The following FAF1 variants were observed in gnomAD, a reference collection of about 807,000 sequenced individuals.
FAF1 encodes FAS-associated factor 1.
In FAF1, 25 loss-of-function variants were observed where a neutral mutation model predicts 92.5. That is an observed-to-expected ratio of 0.27 (90% CI 0.20 to 0.38). The LOEUF (loss-of-function observed/expected upper bound fraction) is 0.38, where lower values mean the gene tolerates loss of function less well. FAF1 is among the 10% of genes least tolerant of loss of function. The probability of loss-of-function intolerance (pLI) is 1.00; values close to 1 mark genes in which losing one functional copy is unlikely to be tolerated. For missense variants in FAF1, 636 were observed against 793.3 expected, an observed-to-expected ratio of 0.80 and a Z score of 2.38; for synonymous variants, 234 against 273.2, an observed-to-expected ratio of 0.86 and a Z score of 1.42.
chr1:50,738,952 C>T lies in FAF1; in HGVS notation c.462G>A (p.Thr154=), dbSNP rs1157411158. 3.8e-6 allele frequency: 6 copies of T among 1,571,164 alleles called. No individual in the cohort carries two copies. The highest frequency in any genetic ancestry group is 1.2e-5 in the South Asian group (1 of 83,510). ...GWKTGDVEDS[T]VLKSLHLPKN... is the part of the protein sequence containing the mutation. Reference sequence around the variant, plus strand: ...TTGGCAAGTGTAGAGATTTTAGGACCGTCTGAAAAAGAAAAAACACAGCAA... The same window carrying T: ...TTGGCAAGTGTAGAGATTTTAGGACTGTCTGAAAAAGAAAAAACACAGCAA... The change falls in exon 6 of 19, where the codon ACG becomes ACA. Residue 154 remains threonine (T), a splice_region_variant and synonymous_variant. Coordinates refer to ENST00000396153, the MANE Select transcript of FAF1 (RefSeq NM_007051.3).
chr1:50,749,275 C>T (rs1363679084), intron 4 of FAF1, among the ~76,000 whole-genome samples: 3 of 152,156 alleles, frequency 2.0e-5, no homozygotes, highest in Non-Finnish European at 4.4e-5. Context: ...TCTCCAAGAC[C>T]TGACACCACC....
At chr1:50,489,972 C>T (rs1646811079) in intron 17 of FAF1, among the ~76,000 whole-genome samples, 1 of 152,128 alleles carries the variant, frequency 6.6e-6, no homozygotes, top group African/African-American at 2.4e-5. Context: ...CTAAGAGTTC[C>T]ATACAACAGA....
chr1:50,932,769 C>G (rs1645058384), intron 1 of FAF1, among the ~76,000 whole-genome samples: 1 of 152,238 alleles, frequency 6.6e-6, no homozygotes, highest in Non-Finnish European at 1.5e-5. Flanking sequence ...ACTGCCCTAG[C>G]AAAGGTTCTC....
rs117003636 is a variant in FAF1 at position 50,495,056 on chromosome 1, T to C, written c.1495-3255A>G. Among the ~76,000 whole-genome samples, 253 of 152,294 alleles carry C rather than the reference T, an allele frequency of 1.7e-3. 5 individuals are homozygous for C. The East Asian group carries it at 0.042, about 25-fold the overall frequency. ...TTTGATAGAGGCATGCAATGGGTAT[T>C]AATTACTTCATGGAAAGTGGGGTGT... On this transcript the variant is annotated intron_variant, in intron 15 of 18. Transcript: ENST00000396153.
At chr1:50,452,062 T>C (rs1336308862) in intron 18 of FAF1, 2 of 1,332,504 alleles carry the variant, frequency 1.5e-6, no homozygotes, top group Admixed American at 4.1e-5. Flanking sequence ...AAGAATGGAA[T>C]GGGGAGGAAA....
intron 15 of FAF1, among the ~76,000 whole-genome samples, chr1:50,519,321 T>C (rs112494106): frequency 7.1e-6 from 1 of 140,914 alleles, no homozygotes; most frequent in Admixed American, 7.9e-5. Flanking sequence ...AGAGCGAGAC[T>C]GTCTCGAAAG....
At chr1:50,666,796 T>A (rs868274750) in intron 7 of FAF1, among the ~76,000 whole-genome samples, 8 of 152,178 alleles carry the variant, frequency 5.3e-5, no homozygotes, top group Admixed American at 5.2e-4. Context: ...GGCAGGAGAA[T>A]CGCTTGAACC....
chr1:50,597,461 T>A (rs1426181799), intron 8 of FAF1, among the ~76,000 whole-genome samples: 1 of 151,908 alleles, frequency 6.6e-6, no homozygotes, highest in East Asian at 1.9e-4. Context: ...AAAATGCCCA[T>A]AGAATTTGAA....
chr1:50,731,900 A>C (rs1658939825), intron 6 of FAF1, among the ~76,000 whole-genome samples: 1 of 151,964 alleles, frequency 6.6e-6, no homozygotes, highest in African/African-American at 2.4e-5. Context: ...CTTTACTTAT[A>C]ATTTTATTGC....
At chr1:50,620,753 G>A (rs1039564775) in intron 8 of FAF1, among the ~76,000 whole-genome samples, 3 of 152,374 alleles carry the variant, frequency 2.0e-5, no homozygotes, top group Admixed American at 6.5e-5. Flanking sequence ...CGATCCAGTA[G>A]ATGGTGCTTA....
chr1:50,957,267 AC>A (rs1415304729), intron 1 of FAF1, among the ~76,000 whole-genome samples: 1 of 151,980 alleles, frequency 6.6e-6, no homozygotes, highest in African/African-American at 2.4e-5. Flanking sequence ...CCATTTTTAA[AC>A]AATTGTGTAT....
At chr1:50,756,588 C>G (rs994776531) in intron 4 of FAF1, among the ~76,000 whole-genome samples, 1 of 152,336 alleles carries the variant, frequency 6.6e-6, no homozygotes, top group African/African-American at 2.4e-5. Context: ...GTGCCCCACT[C>G]TCAGTACCAA....
At chr1:50,668,442 C>T (rs371307386) in intron 7 of FAF1, among the ~76,000 whole-genome samples, 5 of 152,184 alleles carry the variant, frequency 3.3e-5, no homozygotes, top group Admixed American at 1.3e-4. Context: ...CAGCATTACT[C>T]TCAGAGATTT....
Position 50,819,704 on chromosome 1 carries a change from C to CAT in FAF1, c.115-18029_115-18028dup, listed in dbSNP as rs111794640. ...GTATATATATATACATATATATATACATATATATATACGTATATATATATA... is the reference window on the plus strand; with the variant it reads ...GTATATATATATACATATATATATACATATATATATATACGTATATATATATA... On this transcript the variant is annotated intron_variant, in intron 2 of 18. Coordinates refer to ENST00000396153, the MANE Select transcript of FAF1 (RefSeq NM_007051.3). Among the ~76,000 whole-genome samples, 333 of 39,882 alleles carry CAT rather than the reference C, an allele frequency of 8.3e-3. 33 individuals are homozygous for CAT. The highest frequency in any genetic ancestry group is 0.028 in the African/African-American group (318 of 11,220). 26.2% of individuals were successfully genotyped at this position (39,882 alleles called of 152,430 possible).
At chr1:50,725,574 G>A (rs1658614590) in intron 6 of FAF1, among the ~76,000 whole-genome samples, 1 of 152,152 alleles carries the variant, frequency 6.6e-6, no homozygotes, top group African/African-American at 2.4e-5. Flanking sequence ...CCGTGCCTCA[G>A]CTATACGAGT....
intron 3 of FAF1, among the ~76,000 whole-genome samples, chr1:50,790,556 T>C (rs1259791382): frequency 6.6e-6 from 1 of 152,106 alleles, no homozygotes. Context: ...AAAATTTGAC[T>C]TTTCTCTGAC....
At chr1:50,753,513 T>C (rs981403937) in intron 4 of FAF1, among the ~76,000 whole-genome samples, 4 of 152,184 alleles carry the variant, frequency 2.6e-5, no homozygotes, top group Non-Finnish European at 5.9e-5. Flanking sequence ...ATGTAGAAAC[T>C]ACCAAAGTGT....
chr1:50,959,884 T>TCGCCGC lies in FAF1; in HGVS notation c.-79_-74dup, dbSNP rs1553154696. The TCGCCGC allele has an allele frequency of 2.7e-6, 3 of 1,103,578 alleles. No homozygotes were observed. Among genetic ancestry groups the TCGCCGC allele is most frequent in the Admixed American group, 3.7e-5 (1 of 27,268 alleles). The allele number at this position is 1,103,578 out of a possible 1,614,324, so 68.4% of individuals were successfully genotyped here. A position where few individuals can be genotyped will look rare whatever the true frequency, so the allele number is the denominator to read the frequency against. On this transcript the variant is annotated 5_prime_UTR_variant, in exon 1 of 19. Coordinates refer to ENST00000396153, the MANE Select transcript of FAF1 (RefSeq NM_007051.3). ...AGGCAGACGGCACCTCCTGCGACCGTCGCCGCCACCGCCGCCGCCGCCGCC... is the reference window on the plus strand; with the variant it reads ...AGGCAGACGGCACCTCCTGCGACCGTCGCCGCCGCCGCCACCGCCGCCGCCGCCGCC...
In FAF1 at chr1:50,642,824, CT is replaced by C. The variant is rs1329262099; in HGVS notation, c.744+12617del. Among the ~76,000 whole-genome samples, 9 of 151,918 alleles carry C rather than the reference CT, an allele frequency of 5.9e-5. No individual in the cohort carries two copies. The East Asian group carries it at 1.2e-3, about 20-fold the overall frequency. Reference sequence around the variant, plus strand: ...ATTTATCCCATCTGTTCTCTGTTCCCTTTTTTTCTGTTTTCTTTTTTGTTGT... The same window carrying C: ...ATTTATCCCATCTGTTCTCTGTTCCCTTTTTTCTGTTTTCTTTTTTGTTGT... On this transcript the variant is annotated intron_variant, in intron 8 of 18. Transcript: ENST00000396153.
Sources: allele counts gnomAD v4.1 joint callset (sites outside exome capture counted in the v4.1 genomes callset), GRCh38; gene constraint gnomAD v4.1.1; transcripts MANE v1.5; gene names NCBI Gene and HGNC (gene_info 2026-07-23, HGNC 2026-07-21).